LMBR1: variants seen among roughly 807,000 people sequenced by gnomAD.
The protein encoded by LMBR1 is limb region 1 protein homolog.
Under a neutral mutation model 73.9 loss-of-function variants are expected in LMBR1, and 52 were observed. The ratio of observed to expected loss-of-function variants is 0.70; its 90% CI spans 0.56 to 0.89. The LOEUF (loss-of-function observed/expected upper bound fraction) is 0.89. LMBR1 is among the 40% of genes least tolerant of loss of function. The pLI, the probability that LMBR1 is intolerant of heterozygous loss-of-function variation, is 0.00. For synonymous variants in LMBR1, 215 were observed against 209.4 expected (o/e 1.03, Z -0.23); for missense variants, 539 against 579.8 (o/e 0.93, Z 0.72).
At chr7:156,798,209 A>G (rs1191379021) in intron 4 of LMBR1, among the ~76,000 whole-genome samples, 1 of 152,220 alleles carries the variant, frequency 6.6e-6, no homozygotes, top group African/African-American at 2.4e-5. Context: ...GACATTGGTA[A>G]GCATTAAATA....
At chr7:156,867,536 T>C (rs1411868944) in intron 1 of LMBR1, among the ~76,000 whole-genome samples, 2 of 152,088 alleles carry the variant, frequency 1.3e-5, no homozygotes, top group Non-Finnish European at 1.5e-5. Context: ...GAATAAACAA[T>C]ATGTGACATA....
chr7:156,760,096 G>A (rs1398014619), intron 8 of LMBR1, among the ~76,000 whole-genome samples: 1 of 152,172 alleles, frequency 6.6e-6, no homozygotes, highest in Non-Finnish European at 1.5e-5. Context: ...GAACAGATGT[G>A]AAATACTGAT....
intron 15 of LMBR1, among the ~76,000 whole-genome samples, chr7:156,689,831 C>A (rs1281422317): frequency 6.6e-6 from 1 of 152,132 alleles, no homozygotes; most frequent in Non-Finnish European, 1.5e-5. Flanking sequence ...AAAAGGAATA[C>A]ATATCTAATT....
At chr7:156,756,096 A>C (rs1821824040) in intron 9 of LMBR1, among the ~76,000 whole-genome samples, 1 of 152,218 alleles carries the variant, frequency 6.6e-6, no homozygotes, top group African/African-American at 2.4e-5. Flanking sequence ...AGTAATTAAA[A>C]ATTAAATTTT....
intron 5 of LMBR1, among the ~76,000 whole-genome samples, chr7:156,783,264 T>C (rs1183466649): frequency 2.0e-5 from 3 of 152,164 alleles, no homozygotes; most frequent in African/African-American, 4.8e-5. Context: ...TTCAAACTCC[T>C]GGGCTCAAGC....
At chr7:156,859,896 T>G (rs1184643049) in intron 1 of LMBR1, among the ~76,000 whole-genome samples, 1 of 152,190 alleles carries the variant, frequency 6.6e-6, no homozygotes, top group Non-Finnish European at 1.5e-5. Flanking sequence ...TTCAGGAGAC[T>G]TATAGGCCTA....
chr7:156,808,278 T>A (rs1166532288), intron 4 of LMBR1, among the ~76,000 whole-genome samples: 1 of 152,174 alleles, frequency 6.6e-6, no homozygotes, highest in Admixed American at 6.5e-5. Flanking sequence ...TATATGTCAT[T>A]AGGCAGATAT....
At chr7:156,737,087 G>T (rs978886581) in intron 9 of LMBR1, among the ~76,000 whole-genome samples, 1 of 151,974 alleles carries the variant, frequency 6.6e-6, no homozygotes, top group Non-Finnish European at 1.5e-5. Flanking sequence ...ATCTTTTCTT[G>T]ATTTACTCCC....
downstream of LMBR1, chr7:156,676,229 C>G: frequency 1.3e-6 from 2 of 1,497,494 alleles, no homozygotes; most frequent in Admixed American, 4.2e-5. Context: ...CCAGGAGTAA[C>G]AGAGTATATG....
At chr7:156,818,206 A>G (rs1056554979) in intron 4 of LMBR1, among the ~76,000 whole-genome samples, 1 of 152,198 alleles carries the variant, frequency 6.6e-6, no homozygotes, top group Non-Finnish European at 1.5e-5. Context: ...TGGATCTTCT[A>G]TGGAACTTAA....
intron 11 of LMBR1, 52 bp downstream of exon 11, chr7:156,728,591 GA>G: frequency 7.7e-7 from 1 of 1,303,976 alleles, no homozygotes; most frequent in East Asian, 2.4e-5. Flanking sequence ...CTCAAATGCT[GA>G]AGTAAATAAA....
intron 1 of LMBR1, among the ~76,000 whole-genome samples, chr7:156,849,739 A>T (rs1315716643): frequency 3.3e-5 from 5 of 152,198 alleles, no homozygotes; most frequent in Admixed American, 3.3e-4. Context: ...ACTATTCTGT[A>T]TGATTCTATA....
intron 1 of LMBR1, among the ~76,000 whole-genome samples, chr7:156,886,724 T>C (rs1801969551): frequency 6.6e-6 from 1 of 152,192 alleles, no homozygotes; most frequent in African/African-American, 2.4e-5. Context: ...AGAAACACCT[T>C]GAGGCAGTTA....
chr7:156,749,428 C>T (rs1030072430), intron 9 of LMBR1, among the ~76,000 whole-genome samples: 1 of 152,158 alleles, frequency 6.6e-6, no homozygotes, highest in African/African-American at 2.4e-5. Context: ...CACCCTAAAC[C>T]TTGGCACCTT....
chr7:156,833,610 T>C (rs1837066462), intron 3 of LMBR1, 143 bp downstream of exon 3: 2 of 610,122 alleles, frequency 3.3e-6, no homozygotes, highest in African/African-American at 4.0e-5. Context: ...TGCTTACATG[T>C]GCTTTCTAAA....
intron 1 of LMBR1, among the ~76,000 whole-genome samples, chr7:156,864,123 C>T (rs1798112126): frequency 6.6e-6 from 1 of 151,958 alleles, no homozygotes; most frequent in Non-Finnish European, 1.5e-5. Context: ...CACTGCACTC[C>T]AGCCTGGGTG....
At chr7:156,707,087 A>G (rs1186372974) in intron 15 of LMBR1, among the ~76,000 whole-genome samples, 2 of 152,172 alleles carry the variant, frequency 1.3e-5, no homozygotes, top group Non-Finnish European at 2.9e-5. Context: ...AAAGATCATC[A>G]GAGAATATTA....
Position 156,864,351 on chromosome 7 carries a change from A to C in LMBR1, c.67-27466T>G, listed in dbSNP as rs975056057. ...CTGCCCTTTAAGTTAACAGCAGCCT[A>C]TATGATAATTGTAAGTTAGTGAAAA... On this transcript the variant is annotated intron_variant, in intron 1 of 16. Transcript: ENST00000353442. Among the ~76,000 whole-genome samples the C allele has an allele frequency of 1.3e-5, 2 of 152,172 alleles. 1 individual carries two copies.
intron 16 of LMBR1, among the ~76,000 whole-genome samples, chr7:156,686,382 AC>A (rs1197525221): frequency 6.6e-6 from 1 of 152,102 alleles, no homozygotes; most frequent in Admixed American, 6.6e-5. Context: ...AAAAATCTCT[AC>A]AAAAAAAAAG....
Sources: gnomAD v4.1 joint callset for allele counts (sites outside exome capture counted in the v4.1 genomes callset) on GRCh38, gnomAD v4.1.1 for gene constraint, MANE v1.5 for transcripts, NCBI Gene and HGNC (gene_info 2026-07-23, HGNC 2026-07-21) for gene names.